The following ZNF385A variants were observed in gnomAD, a reference collection of about 807,000 sequenced individuals.
ZNF385A encodes hematopoietic zinc finger protein.
ZNF385A carries 14 observed loss-of-function variants against 32.1 expected under a neutral mutation model. The observed-to-expected ratio is 0.44, with a 90% confidence interval of 0.29 to 0.68. The LOEUF is 0.68. ZNF385A is among the 30% of genes least tolerant of loss of function. The pLI is 0.14. For missense variants in ZNF385A, 406 were observed against 478.4 expected (o/e 0.85, Z 1.41); for synonymous variants, 197 against 202.7 (o/e 0.97, Z 0.24).
chr12:54,388,381 A>T (rs1185007887), upstream of ZNF385A, among the ~76,000 whole-genome samples: 5 of 152,126 alleles, frequency 3.3e-5, no homozygotes, highest in Non-Finnish European at 7.3e-5. Context: ...GGCTTCCTCT[A>T]ATGGTCTTTT....
intron 1 of ZNF385A, 129 bp from the exon 2 acceptor site, chr12:54,376,083 T>TCA: frequency 1.5e-6 from 1 of 672,208 alleles, no homozygotes; most frequent in Non-Finnish European, 2.7e-6. Flanking sequence ...CTGAGGGATC[T>TCA]GAGCCTCAGT....
chr12:54,386,173 GACACAC>G (rs57780822), upstream of ZNF385A, among the ~76,000 whole-genome samples: 295 of 138,120 alleles, frequency 2.1e-3, 1 homozygote, highest in African/African-American at 7.5e-3. Flanking sequence ...GTGGAGAGAG[GACACAC>G]ACACACACAC....
rs552416715 is a variant in ZNF385A at position 54,370,139 on chromosome 12, G to A, written c.*117C>T. On this transcript the variant is annotated 3_prime_UTR_variant, in exon 7 of 7. Transcript: ENST00000394313. The surrounding 1 kb of genome is among the most constrained non-coding windows in gnomAD (Gnocchi z 5.5). Reference sequence around the variant, plus strand: ...TCCTGGAACCCCGTATCTCGGGGTGGGGGGGGGGAAGGAGAGATCATTTAG... The same window carrying A: ...TCCTGGAACCCCGTATCTCGGGGTGAGGGGGGGGAAGGAGAGATCATTTAG... 1.1e-5 allele frequency: 8 copies of A among 718,180 alleles called. No homozygotes were observed. The highest frequency in any genetic ancestry group is 4.6e-4 in the Middle Eastern group (1 of 2,168). 44.5% of individuals were successfully genotyped at this position (718,180 alleles called of 1,614,324 possible).
rs771821757 is a variant in ZNF385A, at chr12:54,370,368, G to C, written c.989C>G (p.Pro330Arg). 8.6e-6 allele frequency: 13 copies of C among 1,511,060 alleles called. No homozygotes were observed. In the South Asian group the frequency reaches 1.4e-4, roughly 16 times the overall value. The allele number at this position is 1,511,060 out of a possible 1,614,324, so 93.6% of individuals were successfully genotyped here. Residue 330 changes from proline (P) to arginine (R), a missense_variant, in exon 7 of 7, where the codon CCG becomes CGG. Physicochemically the swap from Pro to Arg is moderately radical, Grantham distance 103. Transcript: ENST00000394313. The surrounding 1 kb of genome is among the most constrained non-coding windows in gnomAD (Gnocchi z 5.5). ...CTGGAGAAGAGGTGCGGCTGGAGCC[G>C]GGCGCAGGGACAGCGGCGAGCCTGC... ...AAAGSPLSLR[P>R]APAAPLLQGP...
rs1003793541 is a variant in ZNF385A, at chr12:54,384,705, C to T, written c.-191G>A. 1.2e-4 allele frequency: 165 copies of T among 1,351,918 alleles called. No individual in the cohort carries two copies. The highest frequency in any genetic ancestry group is 2.9e-5 in the Non-Finnish European group (31 of 1,056,012). The allele number at this position is 1,351,918 out of a possible 1,614,324, so 83.7% of individuals were successfully genotyped here. On this transcript the variant is annotated 5_prime_UTR_variant, in exon 1 of 7. Coordinates refer to ENST00000394313, the MANE Select transcript of ZNF385A (RefSeq NM_015481.3). Reference sequence around the variant, plus strand: ...AGTGCACATAGTGTACACACTTCCCCTGCTGGCTCCAGAGCAATGGAGCAC... The same window carrying T: ...AGTGCACATAGTGTACACACTTCCCTTGCTGGCTCCAGAGCAATGGAGCAC...
chr12:54,370,675 T>G lies in ZNF385A; in HGVS notation c.821A>C (p.Asn274Thr). ...RHRDGVAGKP[N>T]PLLSRHKKSR... ...CTTCTTGTGACGGCTCAGTAGTGGG[T>G]TGGGCTTCCCGGCCACGCCGTCTCG... Residue 274 changes from asparagine to threonine, a missense_variant, in exon 6 of 7, where the codon AAC (asparagine) becomes ACC (threonine). Transcript: ENST00000394313. The surrounding 1 kb of genome is among the most constrained non-coding windows in gnomAD (Gnocchi z 5.5). The G allele has an allele frequency of 6.2e-7, 1 of 1,604,612 alleles. No individual in the cohort carries two copies. Among genetic ancestry groups the G allele is most frequent in the Non-Finnish European group, 8.5e-7 (1 of 1,176,812 alleles).
chr12:54,389,953 G>A (rs1342941874), intron 1 of ZNF385A, among the ~76,000 whole-genome samples: 4 of 152,104 alleles, frequency 2.6e-5, no homozygotes, highest in African/African-American at 9.7e-5. Flanking sequence ...AGAGACTGAG[G>A]ACACACAGGA....
At chr12:54,385,734 G>C, upstream of ZNF385A, 1 of 926,600 alleles carries the variant, frequency 1.1e-6, no homozygotes, top group South Asian at 5.0e-5. Flanking sequence ...CCAGGGGCCT[G>C]GGCCTGACAG....
chr12:54,370,758 G>A lies in ZNF385A; in HGVS notation c.775-37C>T, dbSNP rs769820523. On this transcript the variant is annotated intron_variant, in intron 5 of 6. Transcript: ENST00000394313. The surrounding 1 kb of genome is among the most constrained non-coding windows in gnomAD (Gnocchi z 5.5). ...AGTGGATAGGGGGCTGTGAGCTCCC[G>A]GAAAGGGGCAACAGCGAGGGAGTAT... The A allele has an allele frequency of 1.3e-6, 2 of 1,576,692 alleles. No homozygotes were observed. The highest frequency in any genetic ancestry group is 2.3e-5 in the East Asian group (1 of 43,824).
At chr12:54,390,197 C>T (rs903293051) in intron 1 of ZNF385A, among the ~76,000 whole-genome samples, 47 of 152,138 alleles carry the variant, frequency 3.1e-4, no homozygotes, top group African/African-American at 1.1e-3. Context: ...CCATCATAAA[C>T]AGATCCCAGA....
chr12:54,384,914 C>T (rs1458803385), upstream of ZNF385A: 27 of 1,045,838 alleles, frequency 2.6e-5, no homozygotes, highest in Admixed American at 5.5e-5. Context: ...AGCCCCTGGC[C>T]ACCCTCTTCT....
At chr12:54,388,177 T>G (rs968623198), upstream of ZNF385A, among the ~76,000 whole-genome samples, 1 of 151,966 alleles carries the variant, frequency 6.6e-6, no homozygotes, top group African/African-American at 2.4e-5. Flanking sequence ...CTCCAGCAGA[T>G]AGAGCCCCAC....
chr12:54,381,038 A>T (rs1263039108), intron 1 of ZNF385A, among the ~76,000 whole-genome samples: 1 of 151,984 alleles, frequency 6.6e-6, no homozygotes, highest in African/African-American at 2.4e-5. Flanking sequence ...TCTACTAAAA[A>T]TACAAAAATT....
intron 1 of ZNF385A, among the ~76,000 whole-genome samples, chr12:54,379,438 G>C (rs1444763878): frequency 6.6e-6 from 1 of 152,026 alleles, no homozygotes; most frequent in Non-Finnish European, 1.5e-5. Flanking sequence ...TGACCTCGTT[G>C]CCTCCACTGG....
upstream of ZNF385A, among the ~76,000 whole-genome samples, chr12:54,389,317 A>C (rs1955577213): frequency 6.6e-6 from 1 of 152,128 alleles, no homozygotes; most frequent in Non-Finnish European, 1.5e-5. Flanking sequence ...TCAGAACTGA[A>C]ACCTTTGTAG....
intron 2 of ZNF385A, 66 bp downstream of exon 2, chr12:54,375,778 C>G: frequency 7.2e-7 from 1 of 1,392,648 alleles, no homozygotes; most frequent in Non-Finnish European, 1.0e-6. Flanking sequence ...CAGCCTCTGC[C>G]CTCCCTCAAG....
rs540007544 is a variant in ZNF385A, at chr12:54,375,964, C to T, written c.88-10G>A. 15 of 1,610,098 alleles carry T rather than the reference C, an allele frequency of 9.3e-6. No individual in the cohort carries two copies. Among genetic ancestry groups the T allele is most frequent in the Non-Finnish European group, 1.3e-5 (15 of 1,176,398 alleles). Reference sequence around the variant, plus strand: ...TCTGCACAGGGTCCATCTGTGGAGGCAGGCTGGGGTGAGCCGGGAACCCTA... The same window carrying T: ...TCTGCACAGGGTCCATCTGTGGAGGTAGGCTGGGGTGAGCCGGGAACCCTA... On this transcript the variant is annotated splice_polypyrimidine_tract_variant and intron_variant, in intron 1 of 6. Transcript: ENST00000394313.
intron 1 of ZNF385A, among the ~76,000 whole-genome samples, chr12:54,383,243 A>C (rs1955290719): frequency 6.6e-6 from 1 of 152,178 alleles, no homozygotes; most frequent in Non-Finnish European, 1.5e-5. Context: ...CTCACTGGAG[A>C]CCAGCTTCCT....
upstream of ZNF385A, among the ~76,000 whole-genome samples, chr12:54,387,800 T>C (rs1320485756): frequency 6.6e-6 from 1 of 151,582 alleles, no homozygotes; most frequent in Non-Finnish European, 1.5e-5. Context: ...AGAAGGAGAG[T>C]TATTTGGCCA....
Sources: allele counts gnomAD v4.1 joint callset (sites outside exome capture counted in the v4.1 genomes callset), GRCh38; gene constraint gnomAD v4.1.1; non-coding constraint Gnocchi (gnomAD v3.1); transcripts MANE v1.5; gene names NCBI Gene and HGNC (gene_info 2026-07-23, HGNC 2026-07-21).